The following CBLB variants were observed in gnomAD, a reference collection of about 807,000 sequenced individuals.
CBLB encodes the protein E3 ubiquitin-protein ligase CBL-B.
A neutral mutation model predicts 104.9 loss-of-function variants in CBLB; 31 were observed. The observed-to-expected ratio is 0.30, with a 90% CI of 0.22 to 0.40. The LOEUF (loss-of-function observed/expected upper bound fraction) is 0.40. Ranked by LOEUF, CBLB falls within the 10% of genes least tolerant of loss-of-function variation. The pLI, the probability that CBLB is intolerant of heterozygous loss-of-function variation, is 1.00. For synonymous variants in CBLB, 440 were observed against 422.6 expected, an observed-to-expected ratio of 1.04 and a Z score of -0.51; for missense variants, 1,062 against 1,214.6, an observed-to-expected ratio of 0.87 and a Z score of 1.87.
At chr3:105,673,241 T>G (rs1425989302) in intron 17 of CBLB, 1 of 152,118 alleles carries the variant, frequency 6.6e-6, no homozygotes, top group Non-Finnish European at 1.5e-5. Context: ...GGCTAATTTT[T>G]GTATTTTTGT....
intron 3 of CBLB, among the ~76,000 whole-genome samples, chr3:105,788,534 G>A (rs1284098195): frequency 2.0e-5 from 3 of 152,126 alleles, no homozygotes; most frequent in Admixed American, 6.5e-5. Flanking sequence ...GCCAGGTCAC[G>A]GGTTGGACAA....
chr3:105,846,782 A>T (rs954827024), intron 3 of CBLB, among the ~76,000 whole-genome samples: 1 of 152,108 alleles, frequency 6.6e-6, no homozygotes, highest in Non-Finnish European at 1.5e-5. Context: ...TAATTGATGT[A>T]GCATTATAAA....
At chr3:105,812,006 T>C (rs7612294) in intron 3 of CBLB, among the ~76,000 whole-genome samples, 148,585 of 152,268 alleles carry the variant, frequency 0.98, 72,611 homozygotes, top group East Asian at 1. Flanking sequence ...CCTGGCCCCA[T>C]TTCCTTTTTT....
chr3:105,674,079 A>G (rs1454915401), intron 17 of CBLB: 2 of 152,228 alleles, frequency 1.3e-5, no homozygotes. Context: ...TTTTCATTTT[A>G]AAGCAAATCC....
rs182224309 is a variant in CBLB, at chr3:105,681,470, G to A, written c.2428+9C>T. The A allele has an allele frequency of 6.2e-7, 1 of 1,613,814 alleles. No individual in the cohort carries two copies. The highest frequency in any genetic ancestry group is 1.3e-5 in the African/African-American group (1 of 74,894). On this transcript the variant is annotated intron_variant, in intron 16 of 18. Transcript: ENST00000394030. ...GTGGGTTGTTCAAAACTTTTTTAAA[G>A]GTTTCAACCTAATGGAGGGATGAGA...
At chr3:105,815,995 T>G (rs547319197) in intron 3 of CBLB, among the ~76,000 whole-genome samples, 1 of 151,444 alleles carries the variant, frequency 6.6e-6, no homozygotes, top group Non-Finnish European at 1.5e-5. Flanking sequence ...TAAGTGGGAG[T>G]TGAACAATGA....
chr3:105,800,429 AT>A (rs2082715879), intron 3 of CBLB, among the ~76,000 whole-genome samples: 2 of 152,104 alleles, frequency 1.3e-5, no homozygotes, highest in Non-Finnish European at 2.9e-5. Context: ...AGAGCCTACC[AT>A]TACCAGGGCC....
intron 3 of CBLB, among the ~76,000 whole-genome samples, chr3:105,816,351 A>C (rs1414808157): frequency 6.6e-6 from 1 of 152,170 alleles, no homozygotes; most frequent in Admixed American, 6.5e-5. Context: ...CTTGAAACAA[A>C]CGTGTCAACT....
intron 1 of CBLB, chr3:105,868,404 A>G: frequency 2.5e-6 from 1 of 405,876 alleles, no homozygotes; most frequent in East Asian, 3.6e-5. Flanking sequence ...TGCAGGAGGA[A>G]GGTGGACTGG....
chr3:105,689,104 CT>C (rs1489482645), intron 13 of CBLB, among the ~76,000 whole-genome samples: 7 of 151,992 alleles, frequency 4.6e-5, no homozygotes, highest in Non-Finnish European at 7.4e-5. Context: ...ATTTTTCCTC[CT>C]AGCACTTACC....
At chr3:105,786,991 G>A (rs1440410953) in intron 3 of CBLB, among the ~76,000 whole-genome samples, 1 of 152,110 alleles carries the variant, frequency 6.6e-6, no homozygotes, top group Non-Finnish European at 1.5e-5. Flanking sequence ...TAATTTAGAT[G>A]TCAATGGTCT....
At chr3:105,703,834 T>C (rs1344280565) in intron 11 of CBLB, among the ~76,000 whole-genome samples, 154 bp downstream of exon 11, 1 of 152,176 alleles carries the variant, frequency 6.6e-6, no homozygotes, top group Non-Finnish European at 1.5e-5. Flanking sequence ...ACAAGAAATA[T>C]GAATGTGGGC....
chr3:105,835,723 T>C (rs992261970), intron 3 of CBLB, among the ~76,000 whole-genome samples: 8 of 152,174 alleles, frequency 5.3e-5, no homozygotes, highest in African/African-American at 1.9e-4. Context: ...TAATTAAAAT[T>C]CTTGACAGCA....
chr3:105,679,989 T>A (rs562207032), intron 16 of CBLB, among the ~76,000 whole-genome samples: 2 of 152,082 alleles, frequency 1.3e-5, no homozygotes, highest in East Asian at 3.9e-4. Context: ...TCATGCATGA[T>A]ATGAAAATCA....
At chr3:105,772,652 C>T (rs925833467) in intron 4 of CBLB, among the ~76,000 whole-genome samples, 2 of 151,892 alleles carry the variant, frequency 1.3e-5, no homozygotes, top group African/African-American at 4.8e-5. Context: ...TCTACAAGGA[C>T]CTAAAACAAA....
chr3:105,858,764 C>A (rs996648604), intron 2 of CBLB, among the ~76,000 whole-genome samples: 1 of 152,124 alleles, frequency 6.6e-6, no homozygotes, highest in Non-Finnish European at 1.5e-5. Context: ...GAACTAGAAC[C>A]TAACTAAGGT....
chr3:105,793,135 A>C (rs1291773409), intron 3 of CBLB, among the ~76,000 whole-genome samples: 1 of 152,176 alleles, frequency 6.6e-6, no homozygotes, highest in Non-Finnish European at 1.5e-5. Flanking sequence ...TAATCAAAAG[A>C]GAAAGATCTT....
chr3:105,831,812 G>C (rs962089317), intron 3 of CBLB, among the ~76,000 whole-genome samples: 1 of 152,124 alleles, frequency 6.6e-6, no homozygotes, highest in African/African-American at 2.4e-5. Context: ...GAGGCAACAA[G>C]TAGAACATAC....
chr3:105,867,407 T>C lies in CBLB; in HGVS notation c.168+3A>G. On this transcript the variant is annotated splice_donor_region_variant and intron_variant, in intron 2 of 18. Coordinates refer to ENST00000394030, the MANE Select transcript of CBLB (RefSeq NM_170662.5). ...CGCACAGGCAACGTCAGACAGAACT[T>C]ACCACTTTGTCCATGAGCTTCCAAG... The C allele has an allele frequency of 6.2e-7, 1 of 1,614,110 alleles. No individual in the cohort carries two copies. Among genetic ancestry groups the C allele is most frequent in the Non-Finnish European group, 8.5e-7 (1 of 1,179,966 alleles).
Sources: gnomAD v4.1 joint callset for allele counts (sites outside exome capture counted in the v4.1 genomes callset) on GRCh38, gnomAD v4.1.1 for gene constraint, MANE v1.5 for transcripts, NCBI Gene and HGNC (gene_info 2026-07-23, HGNC 2026-07-21) for gene names.